ZNF385D: variants seen among roughly 807,000 people sequenced by gnomAD.
ZNF385D encodes zinc finger protein 659.
In ZNF385D, 15 loss-of-function variants were observed where a neutral mutation model predicts 35.8. The ratio of observed to expected loss-of-function variants is 0.42; its 90% CI spans 0.28 to 0.64. The LOEUF (loss-of-function observed/expected upper bound fraction) is 0.64, where lower values mean the gene tolerates loss of function less well. Among genes scored for constraint, ZNF385D ranks in the 30% least tolerant of loss-of-function variants. ZNF385D has a pLI of 0.23. For missense variants in ZNF385D, 474 were observed against 494.6 expected, an observed-to-expected ratio of 0.96 and a Z score of 0.39; for synonymous variants, 212 against 186.8, an observed-to-expected ratio of 1.13 and a Z score of -1.10.
At chr3:22,045,759 T>G (rs1364469269) in intron 3 of ZNF385D, among the ~76,000 whole-genome samples, 1 of 152,056 alleles carries the variant, frequency 6.6e-6, no homozygotes, top group Non-Finnish European at 1.5e-5. Flanking sequence ...CTGACCATTC[T>G]CTCAAACCAA....
intron 3 of ZNF385D, among the ~76,000 whole-genome samples, chr3:21,836,858 G>A (rs2673528): frequency 0.89 from 135,477 of 152,124 alleles, 60,577 homozygotes; most frequent in African/African-American, 0.96. Flanking sequence ...ACCCACCCCA[G>A]CTTAAATATC....
chr3:22,181,336 TA>T (rs1176107300), intron 2 of ZNF385D, among the ~76,000 whole-genome samples: 2 of 152,050 alleles, frequency 1.3e-5, no homozygotes, highest in African/African-American at 2.4e-5. Context: ...CACCTTGAGG[TA>T]ATCAGACCTT....
chr3:21,987,750 A>C (rs1380086642), intron 3 of ZNF385D, among the ~76,000 whole-genome samples: 2 of 142,332 alleles, frequency 1.4e-5, no homozygotes, highest in South Asian at 2.4e-4. Context: ...CCTGGATAAT[A>C]TCCTGCAGAG....
chr3:21,828,372 G>A (rs1381037532), intron 3 of ZNF385D, among the ~76,000 whole-genome samples: 1 of 152,138 alleles, frequency 6.6e-6, no homozygotes, highest in Non-Finnish European at 1.5e-5. Context: ...AACATCTTCT[G>A]AATGATATAA....
At chr3:22,365,570 G>T (rs1463921138) in intron 2 of ZNF385D, among the ~76,000 whole-genome samples, 2 of 151,980 alleles carry the variant, frequency 1.3e-5, no homozygotes, top group South Asian at 4.1e-4. Context: ...TCTATGGTAT[G>T]AAACAAAGGA....
At chr3:21,529,577 A>C (rs180803617) in intron 3 of ZNF385D, among the ~76,000 whole-genome samples, 1 of 152,084 alleles carries the variant, frequency 6.6e-6, no homozygotes. Flanking sequence ...CGTAAATTTT[A>C]TCTATGGATC....
rs887826871 is a variant in ZNF385D at position 22,336,136 on chromosome 3, A to G, written c.106+36314T>C. Among the ~76,000 whole-genome samples, 6 of 152,124 alleles carry G rather than the reference A, an allele frequency of 3.9e-5. No homozygotes were observed. In the East Asian group the frequency reaches 5.8e-4, roughly 15 times the overall value. On this transcript the variant is annotated intron_variant, in intron 2 of 5. Coordinates refer to the ZNF385D transcript ENST00000494108. ...CCTCCAGAGAAACCCAGTTTGTTTT[A>G]TTATTGGATAAGGCTCACATGGTAA... is the stretch of plus-strand genomic sequence containing the variant.
chr3:22,329,621 C>G (rs1471049700), intron 2 of ZNF385D, among the ~76,000 whole-genome samples: 1 of 152,154 alleles, frequency 6.6e-6, no homozygotes, highest in Non-Finnish European at 1.5e-5. Flanking sequence ...ACTACCTCTT[C>G]TCCACCAATC....
chr3:21,522,177 A>G (rs1241948681), intron 3 of ZNF385D, among the ~76,000 whole-genome samples: 3 of 152,210 alleles, frequency 2.0e-5, no homozygotes, highest in Non-Finnish European at 4.4e-5. Flanking sequence ...GGAAAAGTTG[A>G]GCAAACTGAC....
chr3:21,819,766 A>T (rs1247334717), intron 3 of ZNF385D, among the ~76,000 whole-genome samples: 1 of 115,092 alleles, frequency 8.7e-6, no homozygotes, highest in African/African-American at 3.2e-5. Flanking sequence ...ATAATTATAT[A>T]TAATTAATAC....
rs550633918 is a variant in ZNF385D, at chr3:22,238,879, T to C, written c.107-69844A>G. 2.0e-5 allele frequency among the ~76,000 whole-genome samples: 3 copies of C among 150,582 alleles called. 1 individual carries two copies. The East Asian group carries it at 5.9e-4, about 30-fold the overall frequency. The stretch of plus-strand genomic sequence containing the variant: ...TCTGGAGTAGCTGGGATTACAGGCA[T>C]GCACCACTATGCAGTTATTTTTTCT... On this transcript the variant is annotated intron_variant, in intron 2 of 5. Transcript: ENST00000494108.
chr3:21,486,674 A>G (rs1030823364), intron 4 of ZNF385D, among the ~76,000 whole-genome samples: 1 of 152,164 alleles, frequency 6.6e-6, no homozygotes, highest in Non-Finnish European at 1.5e-5. Flanking sequence ...GAATCTGGGC[A>G]TTGGGACAGA....
intron 3 of ZNF385D, among the ~76,000 whole-genome samples, chr3:22,049,674 G>C (rs918819647): frequency 6.6e-5 from 10 of 152,108 alleles, no homozygotes; most frequent in African/African-American, 1.9e-4. Flanking sequence ...CCTTTATTGT[G>C]TCGAAATAGA....
At chr3:21,832,886 C>G (rs982827109) in intron 3 of ZNF385D, among the ~76,000 whole-genome samples, 6 of 152,160 alleles carry the variant, frequency 3.9e-5, no homozygotes, top group Non-Finnish European at 8.8e-5. Context: ...ACCAGATATT[C>G]AGTTCATTCA....
intron 3 of ZNF385D, among the ~76,000 whole-genome samples, chr3:21,947,435 C>A (rs1701847441): frequency 6.6e-6 from 1 of 152,226 alleles, no homozygotes; most frequent in East Asian, 1.9e-4. Flanking sequence ...ACTGCAACCT[C>A]CGCCTCCTGG....
chr3:22,038,672 C>A (rs532471535), intron 3 of ZNF385D, among the ~76,000 whole-genome samples: 3 of 151,850 alleles, frequency 2.0e-5, no homozygotes, highest in African/African-American at 7.3e-5. Flanking sequence ...AATTCTAATT[C>A]TTTTGGATCT....
intron 3 of ZNF385D, among the ~76,000 whole-genome samples, chr3:22,127,083 G>A (rs1020039061): frequency 1.7e-4 from 26 of 151,882 alleles, no homozygotes; most frequent in African/African-American, 6.3e-4. Context: ...GGTGAAATGT[G>A]TTTCTTATAA....
chr3:22,349,385 A>G (rs1217934811), intron 2 of ZNF385D, among the ~76,000 whole-genome samples: 1 of 152,170 alleles, frequency 6.6e-6, no homozygotes, highest in Non-Finnish European at 1.5e-5. Context: ...TTCAATGGAA[A>G]GACTGCTCAG....
chr3:21,694,041 G>GTTTTTTTTTTTTTT (rs1559525354), intron 1 of ZNF385D, among the ~76,000 whole-genome samples: 4 of 24,204 alleles, frequency 1.7e-4, no homozygotes, highest in African/African-American at 6.5e-4. Flanking sequence ...ACTACGCCTG[G>GTTTTTTTTTTTTTT]CTTTTTTTTT....
Sources: gnomAD v4.1 joint callset for allele counts (sites outside exome capture counted in the v4.1 genomes callset) on GRCh38, gnomAD v4.1.1 for gene constraint, MANE v1.5 for transcripts, NCBI Gene and HGNC (gene_info 2026-07-23, HGNC 2026-07-21) for gene names.